Variants in ALG5 observed in about 807,000 individuals in gnomAD.
ALG5 encodes the protein dolichyl-phosphate beta-glucosyltransferase.
A neutral mutation model predicts 51.8 loss-of-function variants in ALG5; 26 were observed. That is an observed-to-expected ratio of 0.50 (90% CI 0.37 to 0.70). The LOEUF (loss-of-function observed/expected upper bound fraction) is 0.70, where lower values mean the gene tolerates loss of function less well. Among genes scored for constraint, ALG5 ranks in the 30% least tolerant of loss-of-function variants. ALG5 has a pLI of 0.00. For synonymous variants in ALG5, 141 were observed against 136.1 expected, an observed-to-expected ratio of 1.04 and a Z score of -0.25; for missense variants, 311 against 399.3, an observed-to-expected ratio of 0.78 and a Z score of 1.88.
At chr13:36,996,446 A>T (rs958408107) in intron 1 of ALG5, among the ~76,000 whole-genome samples, 1 of 152,138 alleles carries the variant, frequency 6.6e-6, no homozygotes, top group Non-Finnish European at 1.5e-5. Context: ...CACTTCAGAG[A>T]TTATAAGATT....
At chr13:36,978,011 C>T (rs1352217474) in intron 6 of ALG5, among the ~76,000 whole-genome samples, 2 of 150,090 alleles carry the variant, frequency 1.3e-5, no homozygotes, top group South Asian at 2.1e-4. Flanking sequence ...CTCAGCCTCC[C>T]GAGTAGCTGC....
intron 3 of ALG5, 134 bp downstream of exon 3, chr13:36,994,855 G>A (rs912538253): frequency 2.8e-6 from 2 of 715,862 alleles, no homozygotes. Context: ...ATAGCAACAA[G>A]CAAGCAGCAG....
chr13:36,991,279 TCCCCACCTTCC>T, intron 4 of ALG5, among the ~76,000 whole-genome samples: 1 of 151,884 alleles, frequency 6.6e-6, no homozygotes, highest in East Asian at 1.9e-4. Context: ...TCCATGCCCA[TCCCCACCTTCC>T]CCCGGGAAAA....
intron 1 of ALG5, 55 bp from the exon 2 acceptor site, chr13:36,995,651 T>C (rs2059046158): frequency 6.6e-7 from 1 of 1,514,450 alleles, no homozygotes; most frequent in Non-Finnish European, 9.0e-7. Flanking sequence ...TTGCTGACTT[T>C]TCTGTATTTA....
chr13:36,981,131 G>C (rs1262702218), intron 6 of ALG5, among the ~76,000 whole-genome samples: 1 of 152,042 alleles, frequency 6.6e-6, no homozygotes, highest in African/African-American at 2.4e-5. Flanking sequence ...GGCAACTTTT[G>C]TAAGATGACT....
intron 8 of ALG5, among the ~76,000 whole-genome samples, chr13:36,955,494 C>T (rs996519268): frequency 6.9e-6 from 1 of 145,234 alleles, no homozygotes; most frequent in African/African-American, 2.5e-5. Context: ...TACTGAAAAA[C>T]AAAAAAAAAG....
chr13:36,962,007 T>C (rs1332948313), intron 8 of ALG5, among the ~76,000 whole-genome samples: 1 of 152,140 alleles, frequency 6.6e-6, no homozygotes, highest in Non-Finnish European at 1.5e-5. Context: ...AGGCTGGTCT[T>C]GAACTCCTGA....
intron 5 of ALG5, among the ~76,000 whole-genome samples, chr13:36,987,634 G>C (rs988534537): frequency 2.0e-5 from 3 of 152,208 alleles, no homozygotes; most frequent in African/African-American, 7.2e-5. Flanking sequence ...TCCGTGTACA[G>C]CATGCAGAAC....
intron 6 of ALG5, among the ~76,000 whole-genome samples, chr13:36,974,028 TA>T (rs1467140002): frequency 1.3e-5 from 2 of 152,226 alleles, no homozygotes; most frequent in African/African-American, 4.8e-5. Context: ...TCATAGAGTT[TA>T]ATCATTTCAG....
intron 8 of ALG5, among the ~76,000 whole-genome samples, chr13:36,956,116 C>T (rs2138780458): frequency 6.6e-6 from 1 of 152,158 alleles, no homozygotes; most frequent in East Asian, 1.9e-4. Flanking sequence ...TGATAAGGGG[C>T]TAACATCACA....
chr13:36,999,255 C>T lies in ALG5; in HGVS notation c.46G>A (p.Ala16Thr), dbSNP rs2059072559. The T allele has an allele frequency of 3.2e-6, 5 of 1,580,864 alleles. No homozygotes were observed. Among genetic ancestry groups the T allele is most frequent in the Admixed American group, 1.8e-5 (1 of 55,306 alleles). Residue 16 changes from alanine to threonine, a missense_variant, in exon 1 of 10, where the codon GCG becomes ACG. Physicochemically the swap from Ala to Thr is moderately conservative, Grantham distance 58. Coordinates refer to ENST00000239891, the MANE Select transcript of ALG5 (RefSeq NM_013338.5). ...LQLAVLGAAL[A>T]AAALVLISIV... ...CTCACCAGTACGAGGGCTGCGGCCG[C>T]CAGCGCCGCGCCGAGCACCGCCAGC...
At chr13:36,993,383 C>T (rs184493496) in intron 4 of ALG5, among the ~76,000 whole-genome samples, 12 of 152,322 alleles carry the variant, frequency 7.9e-5, no homozygotes, top group African/African-American at 1.7e-4. Context: ...AGGAACTGTG[C>T]GCGGGCATGT....
intron 4 of ALG5, among the ~76,000 whole-genome samples, chr13:36,989,808 G>A (rs2059017698): frequency 6.6e-6 from 1 of 152,070 alleles, no homozygotes; most frequent in Non-Finnish European, 1.5e-5. Context: ...ACCACAGTGG[G>A]CAATGACCTT....
At chr13:36,954,248 T>C (rs368482194) in intron 8 of ALG5, among the ~76,000 whole-genome samples, 2 of 108,530 alleles carry the variant, frequency 1.8e-5, no homozygotes, top group Admixed American at 1.0e-4. Context: ...TATTCCTTAC[T>C]AGTCCTATAA....
chr13:36,973,486 C>T (rs2058935901), intron 6 of ALG5, among the ~76,000 whole-genome samples: 1 of 152,038 alleles, frequency 6.6e-6, no homozygotes, highest in Admixed American at 6.5e-5. Flanking sequence ...GGGACATAGT[C>T]CAGATACATC....
chr13:36,977,209 A>T (rs977911729), intron 6 of ALG5, among the ~76,000 whole-genome samples: 2 of 152,250 alleles, frequency 1.3e-5, no homozygotes, highest in Non-Finnish European at 2.9e-5. Flanking sequence ...GCTGTTCTTC[A>T]GAAATGAAAG....
chr13:36,981,543 TAG>T, intron 6 of ALG5, among the ~76,000 whole-genome samples: 1 of 152,180 alleles, frequency 6.6e-6, no homozygotes, highest in East Asian at 1.9e-4. Context: ...CCTACACTTT[TAG>T]ACACAGAAAT....
rs781486666 is a variant in ALG5 at position 36,989,534 on chromosome 13, G to A, written c.397C>T (p.Arg133Cys). ...CGATTCTTCACCAGGGTTATCACACGTACTTTGTCACTTCCATATTTCTGG... is the reference window on the plus strand; with the variant it reads ...CGATTCTTCACCAGGGTTATCACACATACTTTGTCACTTCCATATTTCTGG... ...YCQKYGSDKV[R>C]VITLVKNRGK... Residue 133 changes from arginine (R) to cysteine (C), a missense_variant, in exon 5 of 10, where the codon CGT (arginine) becomes TGT (cysteine). Coordinates refer to ENST00000239891, the MANE Select transcript of ALG5 (RefSeq NM_013338.5). The A allele has an allele frequency of 5.0e-6, 8 of 1,612,548 alleles. No individual in the cohort carries two copies. Among genetic ancestry groups the A allele is most frequent in the Admixed American group, 1.7e-5 (1 of 59,970 alleles).
intron 6 of ALG5, among the ~76,000 whole-genome samples, chr13:36,980,020 C>A (rs7336575): frequency 6.6e-5 from 10 of 151,858 alleles, no homozygotes; most frequent in Admixed American, 1.3e-4. Flanking sequence ...GCACTCCAGG[C>A]TGGGTGACAG....
Sources: gnomAD v4.1 joint callset for allele counts (sites outside exome capture counted in the v4.1 genomes callset) on GRCh38, gnomAD v4.1.1 for gene constraint, MANE v1.5 for transcripts, NCBI Gene and HGNC (gene_info 2026-07-23, HGNC 2026-07-21) for gene names.